The following ADAM12 variants were observed in gnomAD, a reference collection of about 807,000 sequenced individuals.
ADAM12 encodes the protein disintegrin and metalloproteinase domain-containing protein 12.
Under a neutral mutation model 106.4 loss-of-function variants are expected in ADAM12, and 70 were observed. That is an observed-to-expected ratio of 0.66 (90% CI 0.54 to 0.80). ADAM12 has a LOEUF of 0.80. ADAM12 is among the 30% of genes least tolerant of loss of function. The probability of loss-of-function intolerance (pLI) is 0.00; values close to 1 mark genes in which losing one functional copy is unlikely to be tolerated. For missense variants in ADAM12, 1,010 were observed against 1,171.9 expected, an observed-to-expected ratio of 0.86 and a Z score of 2.02; for synonymous variants, 420 against 433.5, an observed-to-expected ratio of 0.97 and a Z score of 0.39.
chr10:126,330,650 A>G, intron 1 of ADAM12, 141 bp from the exon 2 acceptor site: 1 of 665,226 alleles, frequency 1.5e-6, no homozygotes, highest in Non-Finnish European at 2.5e-6. Flanking sequence ...TTAAGTCATG[A>G]AAAGTGTTAA....
At chr10:126,129,051 G>A (rs1956259215) in intron 5 of ADAM12, among the ~76,000 whole-genome samples, 1 of 152,258 alleles carries the variant, frequency 6.6e-6, no homozygotes, top group African/African-American at 2.4e-5. Flanking sequence ...CCAGTCTCTA[G>A]TGTACGATCT....
intron 3 of ADAM12, among the ~76,000 whole-genome samples, chr10:126,173,891 T>A (rs11244863): frequency 0.14 from 20,529 of 151,722 alleles, 1,560 homozygotes; most frequent in East Asian, 0.33. Context: ...CATTTTTTTT[T>A]AAAGAGCATT....
chr10:126,370,781 T>C (rs1179930402), intron 1 of ADAM12, among the ~76,000 whole-genome samples: 1 of 152,192 alleles, frequency 6.6e-6, no homozygotes, highest in Non-Finnish European at 1.5e-5. Context: ...GTTTAGCATG[T>C]GGGCCCTGAA....
intron 3 of ADAM12, among the ~76,000 whole-genome samples, chr10:126,246,310 G>T (rs1489461327): frequency 1.3e-5 from 2 of 152,176 alleles, no homozygotes; most frequent in East Asian, 3.8e-4. Flanking sequence ...TGAACCTGTT[G>T]TAAAATGCCC....
intron 1 of ADAM12, among the ~76,000 whole-genome samples, chr10:126,369,817 C>T (rs1856047727): frequency 6.6e-6 from 1 of 152,114 alleles, no homozygotes; most frequent in South Asian, 2.1e-4. Context: ...CTGGTATTCA[C>T]TCTCATATGT....
chr10:126,222,088 G>A (rs761396861), intron 3 of ADAM12, among the ~76,000 whole-genome samples: 17 of 152,130 alleles, frequency 1.1e-4, no homozygotes, highest in Non-Finnish European at 2.2e-4. Context: ...CTACCTACAC[G>A]TCACACGTGA....
intron 2 of ADAM12, among the ~76,000 whole-genome samples, chr10:126,329,488 A>G (rs1056371465): frequency 3.9e-5 from 6 of 152,200 alleles, no homozygotes; most frequent in Non-Finnish European, 7.3e-5. Context: ...CAACACCACT[A>G]TACTTGACTT....
At chr10:126,168,280 C>T (rs886382542) in intron 3 of ADAM12, among the ~76,000 whole-genome samples, 11 of 152,192 alleles carry the variant, frequency 7.2e-5, no homozygotes, top group African/African-American at 2.4e-4. Context: ...GACCAAACTA[C>T]CTTCAAAATA....
At chr10:126,234,024 G>T (rs1958366121) in intron 3 of ADAM12, among the ~76,000 whole-genome samples, 1 of 152,226 alleles carries the variant, frequency 6.6e-6, no homozygotes, top group Non-Finnish European at 1.5e-5. Context: ...GATAGCATAA[G>T]CTGGCTGTAG....
chr10:126,122,924 A>C (rs1196642763), intron 5 of ADAM12, among the ~76,000 whole-genome samples: 1 of 152,256 alleles, frequency 6.6e-6, no homozygotes, highest in South Asian at 2.1e-4. Flanking sequence ...ATGTCACCAC[A>C]TTCTAATCAT....
At chr10:126,342,109 G>A (rs1854950797) in intron 1 of ADAM12, among the ~76,000 whole-genome samples, 1 of 152,186 alleles carries the variant, frequency 6.6e-6, no homozygotes. Flanking sequence ...CCACTTGCAG[G>A]GATGACTGTG....
chr10:126,250,378 G>C (rs1436932495), intron 3 of ADAM12, among the ~76,000 whole-genome samples: 1 of 152,194 alleles, frequency 6.6e-6, no homozygotes, highest in Non-Finnish European at 1.5e-5. Context: ...TTTATTGGGA[G>C]GGAAGGAGTG....
intron 3 of ADAM12, among the ~76,000 whole-genome samples, chr10:126,165,584 G>A (rs1055283717): frequency 3.3e-5 from 5 of 152,156 alleles, no homozygotes; most frequent in Admixed American, 3.3e-4. Context: ...CTTGTCCAAA[G>A]CCACACAGCT....
Position 126,277,428 on chromosome 10 carries a change from G to A in ADAM12, c.260+1487C>T, listed in dbSNP as rs149915337. ...GCAATAAAGAACACTCCTAAATCCA[G>A]CTGCCCACCACAACAACCCCATCGA... On this transcript the variant is annotated intron_variant, in intron 3 of 22. Coordinates refer to ENST00000448723, the MANE Select transcript of ADAM12 (RefSeq NM_001288973.2). Among the ~76,000 whole-genome samples the A allele has an allele frequency of 1.1e-4, 16 of 152,134 alleles. No individual in the cohort carries two copies. The East Asian group carries it at 3.1e-3, about 30-fold the overall frequency.
At chr10:126,317,122 C>T (rs1412317732) in intron 2 of ADAM12, among the ~76,000 whole-genome samples, 1 of 152,178 alleles carries the variant, frequency 6.6e-6, no homozygotes, top group Non-Finnish European at 1.5e-5. Flanking sequence ...GCGAGTCCAT[C>T]AATGATGGGA....
At chr10:126,348,649 C>A (rs1246195344) in intron 1 of ADAM12, among the ~76,000 whole-genome samples, 1 of 152,162 alleles carries the variant, frequency 6.6e-6, no homozygotes, top group African/African-American at 2.4e-5. Context: ...GATGACTGAA[C>A]TGAGATTTCC....
At chr10:126,085,054 A>G (rs924619579) in intron 11 of ADAM12, among the ~76,000 whole-genome samples, 3 of 152,128 alleles carry the variant, frequency 2.0e-5, no homozygotes, top group Admixed American at 6.5e-5. Flanking sequence ...GATATTTTTG[A>G]TCTCTCTCTT....
rs554304616 is a variant in ADAM12 at position 126,019,562 on chromosome 10, C to T, written c.2660+133G>A. The T allele has an allele frequency of 2.6e-5, 31 of 1,172,246 alleles. No individual in the cohort carries two copies. The African/African-American group carries it at 3.8e-4, about 15-fold the overall frequency. 72.6% of individuals were successfully genotyped at this position (1,172,246 alleles called of 1,614,324 possible). Reference sequence around the variant, plus strand: ...CCTGGTAATTGTCATGTCTATTTTACGGTATTCCCAGTTGTAGGGGGAGCA... The same window carrying T: ...CCTGGTAATTGTCATGTCTATTTTATGGTATTCCCAGTTGTAGGGGGAGCA... On this transcript the variant is annotated intron_variant, in intron 22 of 22. Coordinates refer to ENST00000448723, the MANE Select transcript of ADAM12 (RefSeq NM_001288973.2).
At chr10:126,330,789 C>T (rs907757431) in intron 1 of ADAM12, among the ~76,000 whole-genome samples, 4 of 152,178 alleles carry the variant, frequency 2.6e-5, no homozygotes, top group African/African-American at 9.7e-5. Flanking sequence ...ATATATAATT[C>T]AGTCCTTCAA....
Sources: allele counts gnomAD v4.1 joint callset (sites outside exome capture counted in the v4.1 genomes callset), GRCh38; gene constraint gnomAD v4.1.1; transcripts MANE v1.5; gene names NCBI Gene and HGNC (gene_info 2026-07-23, HGNC 2026-07-21).